Variants in SH2B3 observed in about 807,000 individuals in gnomAD.
The protein encoded by SH2B3 is SH2B adapter protein 3.
A neutral mutation model predicts 51.9 loss-of-function variants in SH2B3; 43 were observed. The observed-to-expected ratio is 0.83, with a 90% CI of 0.65 to 1.07. The LOEUF (loss-of-function observed/expected upper bound fraction) is 1.07, where lower values mean the gene tolerates loss of function less well. Ranked by LOEUF, SH2B3 falls within the 50% of genes least tolerant of loss-of-function variation. SH2B3 has a pLI of 0.00. For missense variants in SH2B3, 952 were observed against 834.3 expected (o/e 1.14, Z -1.74); for synonymous variants, 396 against 376.0 (o/e 1.05, Z -0.62).
chr12:111,422,130 A>G (rs2135554994), intron 2 of SH2B3, among the ~76,000 whole-genome samples: 1 of 152,340 alleles, frequency 6.6e-6, no homozygotes, highest in Non-Finnish European at 1.5e-5. Context: ...CCCAGGCTGG[A>G]GTGCAGAGGC....
intron 2 of SH2B3, among the ~76,000 whole-genome samples, chr12:111,421,452 C>G (rs374447344): frequency 1.7e-4 from 24 of 142,154 alleles, no homozygotes; most frequent in African/African-American, 6.5e-4. Flanking sequence ...CTCTGTCACC[C>G]AGCTGGAGTG....
chr12:111,445,997 T>C (rs938577063), intron 2 of SH2B3, among the ~76,000 whole-genome samples: 1 of 152,128 alleles, frequency 6.6e-6, no homozygotes, highest in East Asian at 1.9e-4. Context: ...TTGTTAGGGG[T>C]TGTAGTATTT....
intron 2 of SH2B3, 117 bp from the exon 3 acceptor site, chr12:111,446,636 C>T (rs1417472726): frequency 4.8e-6 from 3 of 618,816 alleles, no homozygotes; most frequent in Admixed American, 3.1e-5. Flanking sequence ...TGCCCAGCAA[C>T]ACCATGGATA....
In SH2B3 at chr12:111,418,129, C is replaced by A. The variant is rs781616492; in HGVS notation, c.-17C>A. ...CCACGTGTCTTTCAGCCCGGCCGCACCACCTGGGTCTCCGCCATGAACGGG... is the reference window on the plus strand; with the variant it reads ...CCACGTGTCTTTCAGCCCGGCCGCAACACCTGGGTCTCCGCCATGAACGGG... On this transcript the variant is annotated 5_prime_UTR_variant, in exon 2 of 8. Transcript: ENST00000341259. The surrounding 1 kb of genome is among the most constrained non-coding windows in gnomAD (Gnocchi z 6.7). The A allele has an allele frequency of 6.7e-7, 1 of 1,483,168 alleles. No individual in the cohort carries two copies. The highest frequency in any genetic ancestry group is 1.4e-5 in the South Asian group (1 of 73,180). 91.9% of individuals were successfully genotyped at this position (1,483,168 alleles called of 1,614,324 possible). A position where few individuals can be genotyped will look rare whatever the true frequency, so the allele number is the denominator to read the frequency against.
chr12:111,420,958 A>G (rs1246299044), intron 2 of SH2B3, among the ~76,000 whole-genome samples: 1 of 152,190 alleles, frequency 6.6e-6, no homozygotes, highest in Non-Finnish European at 1.5e-5. Context: ...TATGAGACAC[A>G]TCTGAAGCTC....
At chr12:111,411,106 T>C (rs1364386335) in intron 1 of SH2B3, among the ~76,000 whole-genome samples, 1 of 151,812 alleles carries the variant, frequency 6.6e-6, no homozygotes, top group African/African-American at 2.4e-5. Flanking sequence ...TGGTTCACAC[T>C]TGTAATCCCA....
chr12:111,408,439 G>C (rs2135530439), intron 1 of SH2B3, among the ~76,000 whole-genome samples: 1 of 142,120 alleles, frequency 7.0e-6, no homozygotes, highest in East Asian at 2.1e-4. Context: ...ACCTGGGCCT[G>C]ATCCTCCTTC....
chr12:111,411,358 GAAAA>G, intron 1 of SH2B3, among the ~76,000 whole-genome samples: 1 of 122,424 alleles, frequency 8.2e-6, no homozygotes, highest in South Asian at 2.6e-4. Flanking sequence ...CTCAAAGAAA[GAAAA>G]AAAAAAAAAA....
chr12:111,416,788 G>A (rs942240535), intron 1 of SH2B3, among the ~76,000 whole-genome samples: 2 of 152,262 alleles, frequency 1.3e-5, no homozygotes, highest in East Asian at 1.9e-4. Context: ...GCCACCGCGC[G>A]TGGCTGGTGC....
chr12:111,436,125 C>T (rs1040640223), intron 2 of SH2B3, among the ~76,000 whole-genome samples: 1 of 152,206 alleles, frequency 6.6e-6, no homozygotes, highest in Non-Finnish European at 1.5e-5. Context: ...GCGCAGCTCC[C>T]GGTGCCTGAC....
Position 111,447,427 on chromosome 12 carries a change from A to G in SH2B3, c.1119A>G (p.Lys373=). Residue 373 remains lysine (K), a synonymous_variant, in exon 6 of 8, where the codon AAA becomes AAG. Transcript: ENST00000341259. Reference sequence around the variant, plus strand: ...TCCACGGCCCCATCTCCAGAGTGAAAGCAGCTCAGCTGGTTCAGCTGCAGG... The same window carrying G: ...TCCACGGCCCCATCTCCAGAGTGAAGGCAGCTCAGCTGGTTCAGCTGCAGG... ...PWFHGPISRV[K]AAQLVQLQGP... The G allele has an allele frequency of 6.2e-7, 1 of 1,613,982 alleles. No homozygotes were observed. Among genetic ancestry groups the G allele is most frequent in the Non-Finnish European group, 8.5e-7 (1 of 1,179,956 alleles).
intron 2 of SH2B3, among the ~76,000 whole-genome samples, chr12:111,420,075 G>C (rs1327654596): frequency 4.6e-5 from 7 of 152,156 alleles, no homozygotes; most frequent in African/African-American, 1.7e-4. Flanking sequence ...GACTCAGACT[G>C]GCATTGACAG....
At chr12:111,431,460 TAATA>T (rs1239025877) in intron 2 of SH2B3, among the ~76,000 whole-genome samples, 1 of 151,572 alleles carries the variant, frequency 6.6e-6, no homozygotes, top group Non-Finnish European at 1.5e-5. Context: ...CTTTTTCAAT[TAATA>T]AAGCTCATGG....
At chr12:111,423,035 C>A (rs1871682475) in intron 2 of SH2B3, among the ~76,000 whole-genome samples, 1 of 152,100 alleles carries the variant, frequency 6.6e-6, no homozygotes, top group Non-Finnish European at 1.5e-5. Flanking sequence ...AATCACTGGG[C>A]CTTCCAGGCA....
At chr12:111,427,696 A>G (rs1207621502) in intron 2 of SH2B3, among the ~76,000 whole-genome samples, 1 of 152,234 alleles carries the variant, frequency 6.6e-6, no homozygotes, top group African/African-American at 2.4e-5. Flanking sequence ...ATGGTCTTGA[A>G]GTCCTGCCAG....
rs1377174900 is a variant in SH2B3, at chr12:111,418,554, C to T, written c.409C>T (p.His137Tyr). The change falls in exon 2 of 8, where the codon CAC becomes TAC. Residue 137 changes from histidine (H) to tyrosine (Y), a missense_variant. Physicochemically the swap from His to Tyr is moderately conservative, Grantham distance 83 (BLOSUM62 2). Transcript: ENST00000341259. This position sits in a 1 kb window ranked among gnomAD's most constrained non-coding sequence, Gnocchi z 6.7. The stretch of plus-strand genomic sequence containing the variant: ...GCCGCCCGGGCCCTGCTCCTTCCAG[C>T]ACTTTCGCCGCAGCCTCCGCCACAT... ...PRPPGPCSFQ[H>Y]FRRSLRHIFR... 1.0e-5 allele frequency: 15 copies of T among 1,469,306 alleles called. No homozygotes were observed. Among genetic ancestry groups the T allele is most frequent in the Non-Finnish European group, 1.3e-5 (14 of 1,115,542 alleles). 91.0% of individuals were successfully genotyped at this position (1,469,306 alleles called of 1,614,324 possible).
chr12:111,429,314 T>G lies in SH2B3; in HGVS notation c.732+10437T>G, dbSNP rs1164519441. Among the ~76,000 whole-genome samples the G allele has an allele frequency of 1.3e-5, 2 of 152,210 alleles. No homozygotes were observed. Among genetic ancestry groups the G allele is most frequent in the Admixed American group, 6.5e-5 (1 of 15,292 alleles). On this transcript the variant is annotated intron_variant, in intron 2 of 7. Coordinates refer to ENST00000341259, the MANE Select transcript of SH2B3 (RefSeq NM_005475.3). The surrounding 1 kb of genome is among the most constrained non-coding windows in gnomAD (Gnocchi z 4.4). ...AAGGCTTTGCTGCTGCAGGCATCACTGGCGTTGTCATTTTTATTTATTATT... is the reference window on the plus strand; with the variant it reads ...AAGGCTTTGCTGCTGCAGGCATCACGGGCGTTGTCATTTTTATTTATTATT...
intron 2 of SH2B3, among the ~76,000 whole-genome samples, chr12:111,441,733 T>C (rs1228199470): frequency 6.6e-6 from 1 of 152,164 alleles, no homozygotes; most frequent in Admixed American, 6.5e-5. Flanking sequence ...GCAGGACTTC[T>C]CAGAGTCTTT....
At position 111,447,703 on chromosome 12, in the gene SH2B3, C is replaced by T. The variant is rs143341384; in HGVS notation, c.1284C>T (p.His428=). The T allele has an allele frequency of 1.2e-4, 190 of 1,613,962 alleles. No homozygotes were observed. In the East Asian group the frequency reaches 4.2e-3, roughly 36 times the overall value. The change falls in exon 7 of 8, where the codon CAC becomes CAT. Residue 428 remains histidine, a synonymous_variant. Coordinates refer to ENST00000341259, the MANE Select transcript of SH2B3 (RefSeq NM_005475.3). ...LTERGQCRVQ[H]LHFPSVVDML... is the part of the protein sequence containing the mutation. ...AGCGGGGCCAGTGCCGTGTGCAGCA[C>T]CTCCACTTTCCCTCGGTCGTGGACA...
Sources: allele counts gnomAD v4.1 joint callset (sites outside exome capture counted in the v4.1 genomes callset), GRCh38; gene constraint gnomAD v4.1.1; non-coding constraint Gnocchi (gnomAD v3.1); transcripts MANE v1.5; gene names NCBI Gene and HGNC (gene_info 2026-07-23, HGNC 2026-07-21).